MAP4: variants seen among roughly 807,000 people sequenced by gnomAD.
The protein encoded by MAP4 is microtubule-associated protein 4.
In MAP4, 76 loss-of-function variants were observed where a neutral mutation model predicts 170.2. That is an observed-to-expected ratio of 0.45 (90% CI 0.37 to 0.54). The LOEUF (loss-of-function observed/expected upper bound fraction) is 0.54, where lower values mean the gene tolerates loss of function less well. Ranked by LOEUF, MAP4 falls within the 20% of genes least tolerant of loss-of-function variation. The pLI is 0.00. For missense variants in MAP4, 2,506 were observed against 2,748.0 expected, an observed-to-expected ratio of 0.91 and a Z score of 1.97; for synonymous variants, 909 against 994.5, an observed-to-expected ratio of 0.91 and a Z score of 1.62.
chr3:47,892,125 G>A, intron 10 of MAP4: 1 of 1,536,170 alleles, frequency 6.5e-7, no homozygotes, highest in Non-Finnish European at 8.7e-7. Flanking sequence ...GTCTTCTGGT[G>A]TACCGAGTTC....
intron 10 of MAP4, among the ~76,000 whole-genome samples, chr3:47,880,609 G>T (rs1412717806): frequency 6.6e-6 from 1 of 151,760 alleles, no homozygotes; most frequent in Non-Finnish European, 1.5e-5. Context: ...GGGACTACTG[G>T]TACGTGCCAC....
chr3:47,917,136 C>G lies in MAP4; in HGVS notation c.691G>C (p.Glu231Gln). The G allele has an allele frequency of 6.2e-7, 1 of 1,613,894 alleles. No homozygotes were observed. The highest frequency in any genetic ancestry group is 8.5e-7 in the Non-Finnish European group (1 of 1,179,816). The change falls in exon 7 of 21, where the codon GAA (glutamate) becomes CAA (glutamine). Residue 231 changes from glutamate to glutamine, a missense_variant. Glu to Gln is a conservative substitution (Grantham distance 29, BLOSUM62 2). This residue lies in a region of MAP4 where 2,008 missense variants were observed against 2,206.0 expected (regional missense o/e 0.91). Coordinates refer to ENST00000683076, the MANE Select transcript of MAP4 (RefSeq NM_001385682.1). ...ELAKEIEMASEERPPAQALEI... is the reference protein window; with the variant it reads ...ELAKEIEMASQERPPAQALEI... ...AATGCTTGTGCTGGTGGCCTCTCTTCTGATGCCATTTCTATCTCCTTGGCT... is the reference window on the plus strand; with the variant it reads ...AATGCTTGTGCTGGTGGCCTCTCTTGTGATGCCATTTCTATCTCCTTGGCT...
chr3:48,071,971 A>G (rs1053410750), intron 1 of MAP4, among the ~76,000 whole-genome samples: 2 of 152,100 alleles, frequency 1.3e-5, no homozygotes, highest in African/African-American at 4.8e-5. Context: ...CTGTAACCCT[A>G]GCATTTTGGG....
chr3:48,017,137 GA>G (rs201585320), upstream of MAP4, among the ~76,000 whole-genome samples: 8 of 149,182 alleles, frequency 5.4e-5, no homozygotes, highest in South Asian at 4.2e-4. Flanking sequence ...TTAATAGATG[GA>G]AAAAAAAATG....
chr3:47,916,280 A>C lies in MAP4; in HGVS notation c.1547T>G (p.Leu516Arg). 6.2e-7 allele frequency: 1 copy of C among 1,614,214 alleles called. No homozygotes were observed. The highest frequency in any genetic ancestry group is 1.7e-5 in the Admixed American group (1 of 60,018). Residue 516 changes from leucine (L) to arginine (R), a missense_variant, in exon 7 of 21, where the codon CTG (leucine) becomes CGG (arginine). Transcript: ENST00000683076. ...TGGAGGTGGAGTCACATCCTTGCCC[A>C]GAGCCATTTCTGTTTCTGATAGTGG... ...MSPLSETEMALGKDVTPPPET... is the reference protein window; with the variant it reads ...MSPLSETEMARGKDVTPPPET...
intron 1 of MAP4, among the ~76,000 whole-genome samples, chr3:48,080,015 T>C (rs2100145834): frequency 6.6e-6 from 1 of 152,044 alleles, no homozygotes; most frequent in African/African-American, 2.4e-5. Context: ...ATAAAAGGCT[T>C]AGAAAGCACA....
At chr3:48,008,889 G>T (rs761926392) in intron 1 of MAP4, among the ~76,000 whole-genome samples, 2 of 152,134 alleles carry the variant, frequency 1.3e-5, no homozygotes, top group Admixed American at 1.3e-4. Context: ...AGCAGAGACC[G>T]ACACCAAGCC....
In MAP4 at chr3:47,872,214, C is replaced by T. The variant is rs541325732; in HGVS notation, c.5758-114G>A. 5.0e-5 allele frequency: 49 copies of T among 980,698 alleles called. No individual in the cohort carries two copies. In the South Asian group the frequency reaches 7.0e-4, roughly 14 times the overall value. The allele number at this position is 980,698 out of a possible 1,614,324, so 60.7% of individuals were successfully genotyped here. A position where few individuals can be genotyped will look rare whatever the true frequency, so the allele number is the denominator to read the frequency against. ...TGTTTTGTTTTTGGAGACGAAGTCT[C>T]ACTCTGTTGCCCAGGCTGGAGTGCA... On this transcript the variant is annotated intron_variant, in intron 12 of 20. Transcript: ENST00000683076.
In MAP4 at chr3:48,064,486, G is replaced by A. The variant is rs192541375; in HGVS notation, c.-20+24287C>T. Among the ~76,000 whole-genome samples the A allele has an allele frequency of 7.2e-4, 109 of 151,974 alleles. 8 individuals are homozygous for A. The East Asian group carries it at 0.013, about 18-fold the overall frequency. Reference sequence around the variant, plus strand: ...TTAAAACTCCAATTCACAAATTCTCGGACAGACTGATTTAAGTAATAATAA... The same window carrying A: ...TTAAAACTCCAATTCACAAATTCTCAGACAGACTGATTTAAGTAATAATAA... On this transcript the variant is annotated intron_variant, in intron 1 of 18. Transcript: ENST00000360240.
chr3:48,023,189 G>A (rs2100111422), intron 1 of MAP4, among the ~76,000 whole-genome samples: 1 of 151,888 alleles, frequency 6.6e-6, no homozygotes, highest in Non-Finnish European at 1.5e-5. Context: ...CAGGGGAGGG[G>A]AGCAGTTTAC....
intron 1 of MAP4, among the ~76,000 whole-genome samples, chr3:48,045,885 G>T: frequency 6.6e-6 from 1 of 151,566 alleles, no homozygotes. Context: ...TCACACTCCT[G>T]TCTGAGTCTG....
intron 5 of MAP4, among the ~76,000 whole-genome samples, chr3:47,921,326 A>G (rs546966678): frequency 6.6e-6 from 1 of 152,234 alleles, no homozygotes; most frequent in Non-Finnish European, 1.5e-5. Context: ...AAAGGACACC[A>G]GAATATGCCA....
chr3:47,993,985 T>C (rs1424205312), intron 2 of MAP4, among the ~76,000 whole-genome samples: 2 of 152,194 alleles, frequency 1.3e-5, no homozygotes, highest in African/African-American at 2.4e-5. Context: ...GTGACAGTTT[T>C]GATGAGAAAT....
At position 47,912,242 on chromosome 3, in the gene MAP4, C is replaced by G. The variant is rs1358453232; in HGVS notation, c.2179G>C (p.Val727Leu). 1.3e-6 allele frequency: 2 copies of G among 1,536,100 alleles called. No homozygotes were observed. The highest frequency in any genetic ancestry group is 8.7e-7 in the Non-Finnish European group (1 of 1,146,894). ...GHCSLSESGW[V>L]SGSSSCGGPG... ...CCACCACAGGAGGATGAACCAGAGA[C>G]CCAACCTGACTCAGACAAAGAGCAG... Residue 727 changes from valine to leucine, a missense_variant, in exon 9 of 21, where the codon GTC becomes CTC. Physicochemically the swap from Val to Leu is conservative, Grantham distance 32 (BLOSUM62 1). Transcript: ENST00000683076.
At chr3:48,009,244 G>A (rs1044345382) in intron 1 of MAP4, among the ~76,000 whole-genome samples, 1 of 152,112 alleles carries the variant, frequency 6.6e-6, no homozygotes, top group African/African-American at 2.4e-5. Context: ...AGGATTACAG[G>A]CACCCGCCAC....
At chr3:47,961,112 C>T (rs532123451) in intron 3 of MAP4, 1 of 153,244 alleles carries the variant, frequency 6.5e-6, no homozygotes, top group Non-Finnish European at 1.5e-5. Context: ...CCACATCCCC[C>T]AATACTTCAC....
At chr3:47,881,549 A>G (rs2096772510) in intron 10 of MAP4, among the ~76,000 whole-genome samples, 1 of 142,866 alleles carries the variant, frequency 7.0e-6, no homozygotes. Context: ...TTAACATGAT[A>G]TATTTCTTTC....
In MAP4 at chr3:47,853,292, C is replaced by G; in HGVS notation, c.6757G>C (p.Ala2253Pro). The G allele has an allele frequency of 6.2e-7, 1 of 1,610,562 alleles. No homozygotes were observed. The highest frequency in any genetic ancestry group is 8.5e-7 in the Non-Finnish European group (1 of 1,179,142). Residue 2253 changes from alanine to proline, a missense_variant, in exon 20 of 21, where the codon GCC becomes CCC. By Grantham distance (27) the Ala-to-Pro change is conservative (BLOSUM62 -1). Transcript: ENST00000683076. ...CPGPPAGEEP[A>P]ISEAAPEAGA... The stretch of plus-strand genomic sequence containing the variant: ...GCTTCAGGCGCTGCCTCAGAGATGG[C>G]CGGCTCCTCCCCAGCAGGGGGACCC...
intron 1 of MAP4, among the ~76,000 whole-genome samples, chr3:48,067,322 C>T (rs1186767614): frequency 6.6e-6 from 1 of 151,990 alleles, no homozygotes; most frequent in Non-Finnish European, 1.5e-5. Flanking sequence ...ATATTATGTT[C>T]CCCTGTATTT....
Sources: allele counts gnomAD v4.1 joint callset (sites outside exome capture counted in the v4.1 genomes callset), GRCh38; gene constraint gnomAD v4.1.1; regional missense constraint gnomAD v4.1.1; transcripts MANE v1.5; gene names NCBI Gene and HGNC (gene_info 2026-07-23, HGNC 2026-07-21).